The following EXTL3 variants were observed in gnomAD, a reference collection of about 807,000 sequenced individuals.
The protein encoded by EXTL3 is exostosin-like 3.
A neutral mutation model predicts 69.3 loss-of-function variants in EXTL3; 27 were observed. The observed-to-expected ratio is 0.39, with a 90% CI of 0.29 to 0.54. The LOEUF (loss-of-function observed/expected upper bound fraction) is 0.54, where lower values mean the gene tolerates loss of function less well. Ranked by LOEUF, EXTL3 falls within the 20% of genes least tolerant of loss-of-function variation. The pLI is 0.69. For missense variants in EXTL3, 1,003 were observed against 1,231.8 expected, an observed-to-expected ratio of 0.81 and a Z score of 2.78; for synonymous variants, 511 against 499.4, an observed-to-expected ratio of 1.02 and a Z score of -0.31.
intron 2 of EXTL3, among the ~76,000 whole-genome samples, chr8:28,616,842 A>G (rs1806338142): frequency 1.3e-5 from 2 of 152,182 alleles, no homozygotes. Context: ...TCTGCCTTGG[A>G]ACGCATTGCC....
chr8:28,716,073 C>A lies in EXTL3; in HGVS notation c.14C>A (p.Thr5Asn), dbSNP rs1298903588. 6 of 1,608,246 alleles carry A rather than the reference C, an allele frequency of 3.7e-6. No homozygotes were observed. The highest frequency in any genetic ancestry group is 1.3e-5 in the African/African-American group (1 of 75,048). ...TGCAGAGGACTCATGACAGGCTATACCATGCTGCGGAATGGGGGCGCGGGG... is the reference window on the plus strand; with the variant it reads ...TGCAGAGGACTCATGACAGGCTATAACATGCTGCGGAATGGGGGCGCGGGG... MTGY[T>N]MLRNGGAGNG... The change falls in exon 3 of 7, where the codon ACC (threonine) becomes AAC (asparagine). Residue 5 changes from threonine to asparagine, a missense_variant. This residue lies in a region of EXTL3 where 742 missense variants were observed against 815.4 expected (regional missense o/e 0.91). Coordinates refer to ENST00000220562, the MANE Select transcript of EXTL3 (RefSeq NM_001440.4). This position sits in a 1 kb window ranked among gnomAD's most constrained non-coding sequence, Gnocchi z 7.1.
At chr8:28,666,487 A>T (rs1203489675) in intron 1 of EXTL3, among the ~76,000 whole-genome samples, 2 of 151,576 alleles carry the variant, frequency 1.3e-5, no homozygotes, top group African/African-American at 4.9e-5. Flanking sequence ...GGCTGGTCTC[A>T]AACTCCTGGA....
intron 1 of EXTL3, among the ~76,000 whole-genome samples, chr8:28,668,324 C>CTTTTTTTTTTTT (rs71549687): frequency 1.2e-5 from 1 of 82,552 alleles, no homozygotes; most frequent in African/African-American, 5.3e-5. Flanking sequence ...AGAGTTGTTA[C>CTTTTTTTTTTTT]TTTTTTTTTT....
At chr8:28,654,925 C>A (rs189992076) in intron 1 of EXTL3, among the ~76,000 whole-genome samples, 6 of 152,070 alleles carry the variant, frequency 3.9e-5, no homozygotes, top group Non-Finnish European at 7.4e-5. Flanking sequence ...TTTAGTCAAA[C>A]CTTTTGGGCT....
At chr8:28,629,552 C>G (rs986534048) in intron 1 of EXTL3, among the ~76,000 whole-genome samples, 1 of 152,140 alleles carries the variant, frequency 6.6e-6, no homozygotes, top group Non-Finnish European at 1.5e-5. Context: ...TGGACATAAA[C>G]TCCTTTTATG....
rs1806225126 is a variant in EXTL3 at position 28,608,243 on chromosome 8, T to C, written n.314+485T>C. On this transcript the variant is annotated intron_variant and non_coding_transcript_variant, in intron 2 of 4. Coordinates refer to the EXTL3 transcript ENST00000522725. ...GGATGTCCAGCCAGTTGGGACCCCT[T>C]GGGAAAGGGTTCAGGGTATCCTGCT... Among the ~76,000 whole-genome samples, 7 of 152,084 alleles carry C rather than the reference T, an allele frequency of 4.6e-5. No homozygotes were observed. In the South Asian group the frequency reaches 1.5e-3, roughly 32 times the overall value.
chr8:28,666,442 TA>T (rs768155432), intron 1 of EXTL3, among the ~76,000 whole-genome samples: 137 of 152,280 alleles, frequency 9.0e-4, no homozygotes, highest in Admixed American at 8.6e-3. Flanking sequence ...CAAGCCTGGC[TA>T]ATTTTTTTTG....
At chr8:28,734,956 T>C (rs1233132937) in intron 4 of EXTL3, among the ~76,000 whole-genome samples, 1 of 152,198 alleles carries the variant, frequency 6.6e-6, no homozygotes, top group Non-Finnish European at 1.5e-5. Flanking sequence ...ATTTGACACA[T>C]TTCTGAAAAA....
chr8:28,625,960 A>C (rs1421813391), intron 1 of EXTL3, among the ~76,000 whole-genome samples: 3 of 133,524 alleles, frequency 2.2e-5, no homozygotes, highest in Non-Finnish European at 4.7e-5. Context: ...CAGGAGTTTG[A>C]GACCAGCTTG....
intron 1 of EXTL3, among the ~76,000 whole-genome samples, chr8:28,648,590 A>G (rs1483076068): frequency 1.3e-5 from 2 of 152,056 alleles, no homozygotes; most frequent in Non-Finnish European, 2.9e-5. Flanking sequence ...AGTCATGAAC[A>G]CCCACTATGC....
At chr8:28,626,169 CT>C (rs751745980) in intron 1 of EXTL3, among the ~76,000 whole-genome samples, 8 of 7,516 alleles carry the variant, frequency 1.1e-3, no homozygotes, top group Non-Finnish European at 2.2e-3. Context: ...GAGACCCTGT[CT>C]AAAAAAAAAA....
intron 4 of EXTL3, among the ~76,000 whole-genome samples, chr8:28,736,590 A>G (rs1801656466): frequency 6.6e-6 from 1 of 152,204 alleles, no homozygotes; most frequent in African/African-American, 2.4e-5. Context: ...GCCACTTCTC[A>G]TCATACATGT....
At chr8:28,724,616 A>AG (rs1563218403) in intron 3 of EXTL3, among the ~76,000 whole-genome samples, 2 of 148,594 alleles carry the variant, frequency 1.3e-5, no homozygotes, top group Non-Finnish European at 1.5e-5. Flanking sequence ...AAAAAAAAAA[A>AG]AAGAAGAAGA....
At chr8:28,703,867 G>C (rs1430554825) in intron 1 of EXTL3, among the ~76,000 whole-genome samples, 1 of 151,944 alleles carries the variant, frequency 6.6e-6, no homozygotes, top group Non-Finnish European at 1.5e-5. Context: ...CCTTCATTTC[G>C]GCAACTATCA....
At chr8:28,755,875 A>G (rs1468142249), downstream of EXTL3, among the ~76,000 whole-genome samples, 3 of 152,152 alleles carry the variant, frequency 2.0e-5, no homozygotes, top group Non-Finnish European at 2.9e-5. Flanking sequence ...TGTTGAAATC[A>G]TTTCTAGGGC....
At chr8:28,676,774 AG>A (rs1014853428) in intron 1 of EXTL3, among the ~76,000 whole-genome samples, 2 of 152,166 alleles carry the variant, frequency 1.3e-5, no homozygotes, top group African/African-American at 4.8e-5. Flanking sequence ...TGGTGACCAG[AG>A]ACAGGAAGTA....
In EXTL3 at chr8:28,754,128, G is replaced by C. The variant is rs1055673289; in HGVS notation, c.*3262G>C. The C allele has an allele frequency of 2.0e-5, 3 of 151,884 alleles. No individual in the cohort carries two copies. Among genetic ancestry groups the C allele is most frequent in the Non-Finnish European group, 4.4e-5 (3 of 68,200 alleles). 9.4% of individuals were successfully genotyped at this position (151,884 alleles called of 1,614,324 possible). Reference sequence around the variant, plus strand: ...GGTGAGGCCTCACTGTGAATGGCTCGATTCGGTCCATAGGTCATGCCCCTG... The same window carrying C: ...GGTGAGGCCTCACTGTGAATGGCTCCATTCGGTCCATAGGTCATGCCCCTG... On this transcript the variant is annotated 3_prime_UTR_variant, in exon 7 of 7. Transcript: ENST00000220562.
At chr8:28,680,009 CTTT>C (rs1025538597) in intron 1 of EXTL3, among the ~76,000 whole-genome samples, 6 of 151,136 alleles carry the variant, frequency 4.0e-5, no homozygotes, top group African/African-American at 1.2e-4. Context: ...AGCATTAGTT[CTTT>C]TTTATTTTTT....
chr8:28,635,366 TG>T (rs1185072852), intron 1 of EXTL3, among the ~76,000 whole-genome samples: 2 of 137,188 alleles, frequency 1.5e-5, no homozygotes, highest in African/African-American at 5.6e-5. Flanking sequence ...GAGACCAGCC[TG>T]GGCAACATAG....
Sources: allele counts gnomAD v4.1 joint callset (sites outside exome capture counted in the v4.1 genomes callset), GRCh38; gene constraint gnomAD v4.1.1; regional missense constraint gnomAD v4.1.1; non-coding constraint Gnocchi (gnomAD v3.1); transcripts MANE v1.5; gene names NCBI Gene and HGNC (gene_info 2026-07-23, HGNC 2026-07-21).